CPSF1: variants seen among roughly 807,000 people sequenced by gnomAD.
CPSF1 encodes cleavage and polyadenylation specific factor 1.
CPSF1 carries 106 observed loss-of-function variants against 175.8 expected under a neutral mutation model. That is an observed-to-expected ratio of 0.60 (90% CI 0.52 to 0.71). The LOEUF is 0.71. Ranked by LOEUF, CPSF1 falls within the 30% of genes least tolerant of loss-of-function variation. The pLI, the probability that CPSF1 is intolerant of heterozygous loss-of-function variation, is 0.00. For synonymous variants in CPSF1, 1,024 were observed against 858.3 expected, an observed-to-expected ratio of 1.19 and a Z score of -3.37; for missense variants, 1,734 against 2,022.9, an observed-to-expected ratio of 0.86 and a Z score of 2.74.
Position 144,395,169 on chromosome 8 carries a change from G to A in CPSF1, c.3201C>T (p.Ile1067=), listed in dbSNP as rs1554863235. 2.5e-6 allele frequency: 4 copies of A among 1,612,658 alleles called. No individual in the cohort carries two copies. The highest frequency in any genetic ancestry group is 2.5e-6 in the Non-Finnish European group (3 of 1,179,548). The change falls in exon 29 of 38, where the codon ATC becomes ATT. Residue 1067 remains isoleucine, a synonymous_variant. Transcript: ENST00000616140. The part of the protein sequence containing the change: ...FETIERDERY[I]HPQQEAFSIQ... ...TGGAGAAGGCCTCCTGCTGGGGGTG[G>A]ATGTACCGCTCATCTGTGGGGACCA...
Position 144,401,184 on chromosome 8 carries a change from T to C in CPSF1, c.387+27A>G, listed in dbSNP as rs1357015707. ...GGAGGGAGGGTGGCTGGGCGGGGCCTGGGCGGGGGCGGGAGCGCGGCCCTA... is the reference window on the plus strand; with the variant it reads ...GGAGGGAGGGTGGCTGGGCGGGGCCCGGGCGGGGGCGGGAGCGCGGCCCTA... On this transcript the variant is annotated intron_variant, in intron 5 of 37. Coordinates refer to ENST00000616140, the MANE Select transcript of CPSF1 (RefSeq NM_013291.3). The C allele has an allele frequency of 1.4e-5, 10 of 712,556 alleles. No individual in the cohort carries two copies. In the East Asian group the frequency reaches 7.3e-4, roughly 52 times the overall value. 44.1% of individuals were successfully genotyped at this position (712,556 alleles called of 1,614,324 possible).
At chr8:144,408,943 C>T (rs1821644222) in intron 2 of CPSF1, 72 bp downstream of exon 2, 1 of 1,560,920 alleles carries the variant, frequency 6.4e-7, no homozygotes, top group Non-Finnish European at 8.7e-7. Context: ...CTTGGCTCTT[C>T]CATCTGCAAC....
At position 144,395,241 on chromosome 8, in the gene CPSF1, G is replaced by C. The variant is rs377669005; in HGVS notation, c.3187+24C>G. ...CTTCCCCAAGATGCGGCTGAGGATG[G>C]GAGTATGGTGTGGGCGTCACCACCT... On this transcript the variant is annotated intron_variant, in intron 28 of 37. Transcript: ENST00000616140. 7 of 1,612,978 alleles carry C rather than the reference G, an allele frequency of 4.3e-6. No individual in the cohort carries two copies. The South Asian group carries it at 6.6e-5, about 15-fold the overall frequency.
intron 32 of CPSF1, 27 bp from the exon 33 acceptor site, chr8:144,394,327 G>C (rs533853279): frequency 6.3e-7 from 1 of 1,585,298 alleles, no homozygotes; most frequent in South Asian, 1.1e-5. Context: ...GGCGTCAGAG[G>C]TGCCTTGGGC....
chr8:144,394,077 C>G, intron 34 of CPSF1, 36 bp downstream of exon 34: 20 of 1,611,066 alleles, frequency 1.2e-5, no homozygotes, highest in Non-Finnish European at 1.7e-5. Context: ...CTAGCCCAGC[C>G]CCGGCCCAGG....
At position 144,400,143 on chromosome 8, in the gene CPSF1, CG is replaced by C. The variant is rs1193433302; in HGVS notation, c.937+22del. The C allele has an allele frequency of 9.6e-3, 11,498 of 1,202,002 alleles. 228 individuals carry two copies. The highest frequency in any genetic ancestry group is 0.021 in the African/African-American group (1,258 of 60,056). 74.5% of individuals were successfully genotyped at this position (1,202,002 alleles called of 1,614,324 possible). A position where few individuals can be genotyped will look rare whatever the true frequency, so the allele number is the denominator to read the frequency against. ...GCCCAAGCCGTCCCCGGGCCCCCCC[CG>C]CCCCAGCCACCCCACACTCACGAAG... On this transcript the variant is annotated intron_variant, in intron 9 of 37. Coordinates refer to ENST00000616140, the MANE Select transcript of CPSF1 (RefSeq NM_013291.3).
intron 2 of CPSF1, among the ~76,000 whole-genome samples, chr8:144,408,766 G>A (rs2116911794): frequency 9.2e-5 from 14 of 152,208 alleles, no homozygotes; most frequent in Non-Finnish European, 1.6e-4. Flanking sequence ...TGAAAAAACG[G>A]AAGAGCAAAC....
At chr8:144,403,285 C>T (rs1484796340) in intron 2 of CPSF1, among the ~76,000 whole-genome samples, 1 of 151,886 alleles carries the variant, frequency 6.6e-6, no homozygotes, top group Non-Finnish European at 1.5e-5. Context: ...TTAGTACAGA[C>T]AGGGTTTTGC....
In CPSF1 at chr8:144,398,078, G is replaced by T. The variant is rs1554864756; in HGVS notation, c.1949C>A (p.Ala650Asp). Residue 650 changes from alanine to aspartate, a missense_variant, in exon 20 of 38, where the codon GCC becomes GAC. By Grantham distance (126) the Ala-to-Asp change is moderately radical (BLOSUM62 -2). Coordinates refer to ENST00000616140, the MANE Select transcript of CPSF1 (RefSeq NM_013291.3). ...VDLGAPIVQC[A>D]VADPYVVIMS... Reference sequence around the variant, plus strand: ...GATGACCACATAGGGGTCGGCCACGGCGCACTGCACGATGGGGGCGCCCAG... The same window carrying T: ...GATGACCACATAGGGGTCGGCCACGTCGCACTGCACGATGGGGGCGCCCAG... 1 of 1,611,814 alleles carries T rather than the reference G, an allele frequency of 6.2e-7. No individual in the cohort carries two copies. The highest frequency in any genetic ancestry group is 1.1e-5 in the South Asian group (1 of 90,952).
intron 16 of CPSF1, 21 bp downstream of exon 16, chr8:144,398,912 ACCCAGGTCCCACCAGGAGGCGCCCG>A: frequency 6.2e-7 from 1 of 1,611,100 alleles, no homozygotes; most frequent in South Asian, 1.1e-5. Context: ...GTGTGAGCCC[ACCCAGGTCCCACCAGGAGGCGCCCG>A]CCCCCTACCT....
At chr8:144,400,591 C>A in intron 7 of CPSF1, 80 bp downstream of exon 7, 1 of 1,600,806 alleles carries the variant, frequency 6.2e-7, no homozygotes, top group Non-Finnish European at 8.5e-7. Flanking sequence ...ATAGGCCCCG[C>A]CCTAAACCCC....
chr8:144,399,828 G>A lies in CPSF1; in HGVS notation c.1072C>T (p.Arg358Ter), dbSNP rs1554865752. 8 of 1,556,388 alleles carry A rather than the reference G, an allele frequency of 5.1e-6. No homozygotes were observed. The highest frequency in any genetic ancestry group is 1.4e-5 in the African/African-American group (1 of 73,266). The stretch of plus-strand genomic sequence containing the variant: ...GCCGCCTTGTCAAAGTGGAACGCTC[G>A]GACACTGCGCATGCCGTCGGTGATG... ...TLITDGMRSVRAFHFDKAAAS... is the reference protein window; with the variant it reads ...TLITDGMRSV The change falls in exon 11 of 38, where the codon CGA becomes TGA. Residue 358 changes from arginine (R) to a stop codon, truncating the protein, a stop_gained. Transcript: ENST00000616140. LOFTEE classifies it high-confidence loss of function. The surrounding 1 kb of genome is among the most constrained non-coding windows in gnomAD (Gnocchi z 6.4).
At position 144,397,594 on chromosome 8, in the gene CPSF1, CCTT is replaced by C. The variant is rs1820850776; in HGVS notation, c.2275_2277del (p.Lys759del). The C allele has an allele frequency of 1.9e-6, 3 of 1,539,636 alleles. No individual in the cohort carries two copies. The South Asian group carries it at 3.7e-5, about 19-fold the overall frequency. ...GGCTGGCTGCTTCTTCGGGCCTCCTCCTTGCTGGGGCTGAAGAGGGAGCCCGAA... is the reference window on the plus strand; with the variant it reads ...GGCTGGCTGCTTCTTCGGGCCTCCTCGCTGGGGCTGAAGAGGGAGCCCGAA... On this transcript the variant is annotated inframe_deletion, in exon 22 of 38. Coordinates refer to ENST00000616140, the MANE Select transcript of CPSF1 (RefSeq NM_013291.3).
chr8:144,395,280 C>CA lies in CPSF1; in HGVS notation c.3171dup (p.Glu1058Ter). The CA allele has an allele frequency of 6.2e-7, 1 of 1,613,244 alleles. No individual in the cohort carries two copies. Among genetic ancestry groups the CA allele is most frequent in the South Asian group, 1.1e-5 (1 of 91,056 alleles). On this transcript the variant is annotated frameshift_variant, in exon 28 of 38. Coordinates refer to ENST00000616140, the MANE Select transcript of CPSF1 (RefSeq NM_013291.3). LOFTEE classifies it high-confidence loss of function. Reference sequence around the variant, plus strand: ...GCGTCACCACCTCTCTCGATGGTCTCAAACTCCTTCTCCTCGCCAGTCATG... The same window carrying CA: ...GCGTCACCACCTCTCTCGATGGTCTCAAAACTCCTTCTCCTCGCCAGTCATG...
intron 2 of CPSF1, among the ~76,000 whole-genome samples, chr8:144,408,181 C>T (rs1387983529): frequency 6.6e-6 from 1 of 152,110 alleles, no homozygotes; most frequent in South Asian, 2.1e-4. Flanking sequence ...GTCCTGACCA[C>T]GGCCTACCTC....
At chr8:144,404,512 C>G (rs1327811228) in intron 2 of CPSF1, among the ~76,000 whole-genome samples, 1 of 151,416 alleles carries the variant, frequency 6.6e-6, no homozygotes, top group Non-Finnish European at 1.5e-5. Flanking sequence ...ACTACAAGCG[C>G]CCACCACCAC....
rs782734314 is a variant in CPSF1 at position 144,397,751 on chromosome 8, T to C, written c.2202A>G (p.Ser734=). The change falls in exon 21 of 38, where the codon TCA becomes TCG. Residue 734 remains serine (S), a synonymous_variant. Coordinates refer to ENST00000616140, the MANE Select transcript of CPSF1 (RefSeq NM_013291.3). ...RSGPEAEGLG[S]ETSPTVDDEE... ...CCCCAGCCCCCACGCACCTAGTCTC[T>C]GAGCCCAGGCCCTCGGCCTCCGGGC... The C allele has an allele frequency of 1.1e-5, 18 of 1,603,616 alleles. No individual in the cohort carries two copies. The highest frequency in any genetic ancestry group is 1.7e-4 in the Middle Eastern group (1 of 6,032).
intron 2 of CPSF1, among the ~76,000 whole-genome samples, chr8:144,402,807 G>A (rs1029239475): frequency 5.3e-5 from 8 of 152,034 alleles, no homozygotes; most frequent in South Asian, 2.1e-4. Context: ...TGACGGCACC[G>A]CAGGTGGCTC....
rs782456640 is a variant in CPSF1, at chr8:144,393,741, C to G, written c.4071G>C (p.Arg1357=). 5 of 1,580,724 alleles carry G rather than the reference C, an allele frequency of 3.2e-6. No individual in the cohort carries two copies. The South Asian group carries it at 5.7e-5, about 18-fold the overall frequency. The part of the protein sequence containing the change: ...LLLPMQEKTY[R]RLLMLQNALT... ...GCGCGTTCTGCAGCATCAGCAGCCGCCGGTAGGTCTTCTCCTGCATGGGCA... is the reference window on the plus strand; with the variant it reads ...GCGCGTTCTGCAGCATCAGCAGCCGGCGGTAGGTCTTCTCCTGCATGGGCA... Residue 1357 remains arginine, a synonymous_variant, in exon 36 of 38, where the codon CGG becomes CGC. Coordinates refer to ENST00000616140, the MANE Select transcript of CPSF1 (RefSeq NM_013291.3).
Sources: gnomAD v4.1 joint callset for allele counts (sites outside exome capture counted in the v4.1 genomes callset) on GRCh38, gnomAD v4.1.1 for gene constraint, Gnocchi (gnomAD v3.1) non-coding constraint, MANE v1.5 for transcripts, NCBI Gene and HGNC (gene_info 2026-07-23, HGNC 2026-07-21) for gene names.